The following DPYD variants were observed in gnomAD, a reference collection of about 807,000 sequenced individuals.
The protein encoded by DPYD is dihydropyrimidine dehydrogenase, also known as dihydropyrimidine dehydrogenase [NADP(+)].
A neutral mutation model predicts 116.2 loss-of-function variants in DPYD; 109 were observed. That is an observed-to-expected ratio of 0.94 (90% confidence interval 0.80 to 1.10). The LOEUF is 1.10. Among genes scored for constraint, DPYD ranks in the 50% least tolerant of loss-of-function variants. The probability of loss-of-function intolerance (pLI) is 0.00; values close to 1 mark genes in which losing one functional copy is unlikely to be tolerated. For missense variants in DPYD, 1,302 were observed against 1,254.5 expected (o/e 1.04, Z -0.57); for synonymous variants, 440 against 432.0 (o/e 1.02, Z -0.23).
intron 1 of DPYD, among the ~76,000 whole-genome samples, chr1:97,918,527 T>C (rs985424657): frequency 6.6e-6 from 1 of 152,210 alleles, no homozygotes. Context: ...ATATTCCAGC[T>C]ATGGAGTTTG....
At chr1:97,320,152 A>G (rs1225684962) in intron 16 of DPYD, among the ~76,000 whole-genome samples, 20 of 123,084 alleles carry the variant, frequency 1.6e-4, no homozygotes, top group African/African-American at 6.0e-4. Flanking sequence ...AACTGGAAGC[A>G]TTCCCTTTGA....
intron 19 of DPYD, among the ~76,000 whole-genome samples, chr1:97,217,282 T>C (rs1427171726): frequency 6.6e-6 from 1 of 152,148 alleles, no homozygotes; most frequent in East Asian, 1.9e-4. Flanking sequence ...TTAACACACG[T>C]TTGTATTTCA....
At chr1:97,227,252 G>A (rs1661232483) in intron 19 of DPYD, among the ~76,000 whole-genome samples, 1 of 149,392 alleles carries the variant, frequency 6.7e-6, no homozygotes, top group Non-Finnish European at 1.5e-5. Flanking sequence ...GCTTGAATCT[G>A]GGAGGTGGAG....
At chr1:97,911,737 G>C (rs1228856037) in intron 1 of DPYD, among the ~76,000 whole-genome samples, 1 of 152,082 alleles carries the variant, frequency 6.6e-6, no homozygotes, top group Non-Finnish European at 1.5e-5. Flanking sequence ...GTGAGGGTGA[G>C]AAGGCTGGGA....
intron 16 of DPYD, among the ~76,000 whole-genome samples, chr1:97,339,573 G>A (rs1303483842): frequency 6.6e-6 from 1 of 152,032 alleles, no homozygotes. Flanking sequence ...CAACAATCAA[G>A]AATTCAGAAA....
chr1:97,825,115 T>C (rs1669170268), intron 3 of DPYD, among the ~76,000 whole-genome samples: 1 of 152,140 alleles, frequency 6.6e-6, no homozygotes, highest in Admixed American at 6.5e-5. Context: ...CCAGAGAAGG[T>C]TGTAACCCCT....
chr1:97,174,764 T>A (rs1461526639), intron 20 of DPYD, among the ~76,000 whole-genome samples: 6 of 152,166 alleles, frequency 3.9e-5, no homozygotes, highest in Non-Finnish European at 8.8e-5. Context: ...CTTAAAAAAA[T>A]TAACAATGTA....
At chr1:97,510,229 C>G (rs1647679253) in intron 13 of DPYD, among the ~76,000 whole-genome samples, 1 of 151,866 alleles carries the variant, frequency 6.6e-6, no homozygotes, top group African/African-American at 2.4e-5. Context: ...TACCAAGGAG[C>G]ATAAATGGAC....
At position 97,459,754 on chromosome 1, in the gene DPYD, T is replaced by C. The variant is rs1676912926; in HGVS notation, c.1741-9531A>G. On this transcript the variant is annotated intron_variant, in intron 13 of 22. Transcript: ENST00000370192. ...ATGGTAGAGAAAATTAATGAACTAA[T>C]GCTAATTCTGCAACTAGGATTGATG... is the stretch of plus-strand genomic sequence containing the variant. Among the ~76,000 whole-genome samples the C allele has an allele frequency of 2.0e-5, 3 of 152,260 alleles. No individual in the cohort carries two copies. In the South Asian group the frequency reaches 6.2e-4, roughly 32 times the overall value.
At chr1:97,866,167 T>C in intron 2 of DPYD, among the ~76,000 whole-genome samples, 1 of 151,986 alleles carries the variant, frequency 6.6e-6, no homozygotes, top group East Asian at 1.9e-4. Flanking sequence ...TAAACCTCTA[T>C]TTTCCATTCA....
chr1:97,869,916 T>C (rs1671574545), intron 2 of DPYD, among the ~76,000 whole-genome samples: 1 of 151,856 alleles, frequency 6.6e-6, no homozygotes, highest in Admixed American at 6.6e-5. Flanking sequence ...ATACAATGTG[T>C]ATGCATGTTT....
At chr1:97,131,567 C>G (rs566679483) in intron 20 of DPYD, among the ~76,000 whole-genome samples, 8 of 152,142 alleles carry the variant, frequency 5.3e-5, no homozygotes, top group African/African-American at 1.9e-4. Context: ...CTGAAATACA[C>G]TGAGAAGGTC....
In DPYD at chr1:97,913,087, G is replaced by C. The variant is rs185378645; in HGVS notation, c.39+7797C>G. The stretch of plus-strand genomic sequence containing the variant: ...CAGCATAATCCTAAACATACAAAAT[G>C]TAAATTTGTTAATTCCAGATCACCC... On this transcript the variant is annotated intron_variant, in intron 1 of 22. Transcript: ENST00000370192. 6.1e-3 allele frequency among the ~76,000 whole-genome samples: 927 copies of C among 152,154 alleles called. 10 individuals are homozygous for C. Among genetic ancestry groups the C allele is most frequent in the Admixed American group, 0.013 (197 of 15,268 alleles).
chr1:97,543,483 C>T (rs970253143), intron 12 of DPYD, among the ~76,000 whole-genome samples: 1 of 152,112 alleles, frequency 6.6e-6, no homozygotes, highest in African/African-American at 2.4e-5. Flanking sequence ...TTTCTAAACA[C>T]CCAATTGCAT....
intron 13 of DPYD, among the ~76,000 whole-genome samples, chr1:97,514,829 C>T (rs181869011): frequency 7.9e-5 from 12 of 151,734 alleles, no homozygotes; most frequent in African/African-American, 2.7e-4. Flanking sequence ...ATAATGCCAG[C>T]TATTGATCCT....
chr1:97,702,091 T>G (rs1661630591), intron 5 of DPYD, among the ~76,000 whole-genome samples: 1 of 151,738 alleles, frequency 6.6e-6, no homozygotes. Flanking sequence ...ACATATACTG[T>G]TATCTTTTAT....
chr1:97,911,081 A>G (rs560842672), intron 1 of DPYD, among the ~76,000 whole-genome samples: 4 of 152,226 alleles, frequency 2.6e-5, no homozygotes, highest in African/African-American at 9.6e-5. Context: ...TTTAAAAAAT[A>G]ATTTTTATTA....
chr1:97,705,976 GGTTT>G (rs1253420743), intron 5 of DPYD, among the ~76,000 whole-genome samples: 1 of 151,192 alleles, frequency 6.6e-6, no homozygotes, highest in Non-Finnish European at 1.5e-5. Flanking sequence ...CTTTTTGATG[GGTTT>G]TTTTTCTTGT....
intron 18 of DPYD, among the ~76,000 whole-genome samples, chr1:97,251,219 A>G (rs1007956083): frequency 6.6e-6 from 1 of 151,960 alleles, no homozygotes; most frequent in African/African-American, 2.4e-5. Flanking sequence ...CGACATGGTG[A>G]AAACCCATCT....
Sources: gnomAD v4.1 joint callset for allele counts (sites outside exome capture counted in the v4.1 genomes callset) on GRCh38, gnomAD v4.1.1 for gene constraint, MANE v1.5 for transcripts, NCBI Gene and HGNC (gene_info 2026-07-23, HGNC 2026-07-21) for gene names.